Variants in IGSF5 observed in about 807,000 individuals in gnomAD.
IGSF5 encodes the protein immunoglobulin superfamily member 5.
IGSF5 carries 41 observed loss-of-function variants against 39.4 expected under a neutral mutation model. The ratio of observed to expected loss-of-function variants is 1.04; its 90% confidence interval spans 0.81 to 1.35. The LOEUF (loss-of-function observed/expected upper bound fraction) is 1.35, where lower values mean the gene tolerates loss of function less well. Ranked by LOEUF, IGSF5 falls within the 40% of genes most tolerant of loss-of-function variation. IGSF5 has a pLI of 0.00. For synonymous variants in IGSF5, 183 were observed against 175.3 expected (o/e 1.04, Z -0.34); for missense variants, 487 against 494.6 (o/e 0.98, Z 0.15).
At chr21:39,723,538 A>G in the IGSF5 span, among the ~76,000 whole-genome samples, 2 of 152,194 alleles carry the variant, frequency 1.3e-5, no homozygotes, top group Non-Finnish European at 2.9e-5. Context: ...GGCAGGGATT[A>G]CTGAGACCAT....
intron 7 of IGSF5, among the ~76,000 whole-genome samples, chr21:39,793,070 GA>G (rs976899552): frequency 1.3e-5 from 2 of 151,876 alleles, no homozygotes; most frequent in African/African-American, 4.8e-5. Context: ...CTTTCAGATT[GA>G]AAAAAATTCC....
chr21:39,759,251 A>G (rs2080048476), intron 2 of IGSF5, among the ~76,000 whole-genome samples: 1 of 152,226 alleles, frequency 6.6e-6, no homozygotes, highest in Non-Finnish European at 1.5e-5. Flanking sequence ...GTCTATTTAC[A>G]CATTAAATCT....
At chr21:39,781,499 G>A (rs1475301506) in intron 5 of IGSF5, among the ~76,000 whole-genome samples, 2 of 152,286 alleles carry the variant, frequency 1.3e-5, no homozygotes, top group East Asian at 3.9e-4. Context: ...CTCAGAAGTA[G>A]GATTGCTAGG....
chr21:39,789,698 A>T (rs1362395528), intron 6 of IGSF5, among the ~76,000 whole-genome samples: 2 of 152,342 alleles, frequency 1.3e-5, no homozygotes, highest in East Asian at 1.9e-4. Flanking sequence ...GAAATAGTTT[A>T]AAAAAATCAC....
At chr21:39,747,625 C>A (rs146833928) in intron 2 of IGSF5, among the ~76,000 whole-genome samples, 40 of 152,344 alleles carry the variant, frequency 2.6e-4, no homozygotes, top group African/African-American at 9.1e-4. Flanking sequence ...CAGAACCAGG[C>A]AAGAGACCAC....
At chr21:39,731,038 C>A in the IGSF5 span, among the ~76,000 whole-genome samples, 1 of 152,212 alleles carries the variant, frequency 6.6e-6, no homozygotes, top group East Asian at 1.9e-4. Context: ...GGTCTCCTGT[C>A]CCCTGGCAGA....
chr21:39,781,348 T>A (rs1176305795), intron 5 of IGSF5, among the ~76,000 whole-genome samples: 1 of 152,238 alleles, frequency 6.6e-6, no homozygotes, highest in African/African-American at 2.4e-5. Flanking sequence ...ATCCATTGTG[T>A]AGATGTACCA....
rs1447463166 is a variant in IGSF5 at position 39,779,103 on chromosome 21, T to A, written c.732T>A (p.Gly244=). 3.1e-6 allele frequency: 5 copies of A among 1,612,072 alleles called. No individual in the cohort carries two copies. The highest frequency in any genetic ancestry group is 4.2e-6 in the Non-Finnish European group (5 of 1,178,278). ...VIRCPQDTGG[G]INIPGVLSSL... is the part of the protein sequence containing the mutation. ...TTTCTTCTTTAGACACTGGAGGTGG[T>A]ATTAATATTCCAGGTGTATTATCAA... is the stretch of plus-strand genomic sequence containing the variant. The change falls in exon 5 of 9, where the codon GGT becomes GGA. Residue 244 remains glycine (G), a synonymous_variant. Transcript: ENST00000380588.
chr21:39,765,467 G>A (rs933435214), intron 2 of IGSF5, 68 bp from the exon 3 acceptor site: 51 of 1,448,042 alleles, frequency 3.5e-5, no homozygotes, highest in Non-Finnish European at 4.6e-5. Flanking sequence ...ATACAGAAAG[G>A]TTACAGCACA....
chr21:39,724,624 C>A, the IGSF5 span, among the ~76,000 whole-genome samples: 1 of 152,212 alleles, frequency 6.6e-6, no homozygotes, highest in African/African-American at 2.4e-5. Context: ...GCTTCCCCAG[C>A]CACATGAAAG....
At chr21:39,791,279 T>C (rs1247210744) in intron 6 of IGSF5, among the ~76,000 whole-genome samples, 2 of 152,362 alleles carry the variant, frequency 1.3e-5, no homozygotes, top group South Asian at 4.1e-4. Context: ...TCCTCCCTGA[T>C]TGGGCACTCG....
chr21:39,791,311 T>G (rs191996273), intron 6 of IGSF5, among the ~76,000 whole-genome samples: 1 of 152,364 alleles, frequency 6.6e-6, no homozygotes, highest in East Asian at 1.9e-4. Flanking sequence ...TTTGCTTTTA[T>G]AAATAGCTCA....
At chr21:39,786,551 G>A (rs1479024156) in intron 5 of IGSF5, among the ~76,000 whole-genome samples, 6 of 147,518 alleles carry the variant, frequency 4.1e-5, no homozygotes, top group South Asian at 2.3e-4. Context: ...TCGGTGTGGC[G>A]ATTCCTCAGG....
chr21:39,776,219 A>G (rs866364525), intron 4 of IGSF5, among the ~76,000 whole-genome samples: 1 of 151,494 alleles, frequency 6.6e-6, no homozygotes, highest in Non-Finnish European at 1.5e-5. Context: ...TATAAAATAT[A>G]TATTATATAT....
chr21:39,756,869 G>T (rs1037755330), intron 2 of IGSF5, among the ~76,000 whole-genome samples: 12 of 152,016 alleles, frequency 7.9e-5, no homozygotes, highest in African/African-American at 2.7e-4. Flanking sequence ...AACAAAGGGG[G>T]TTGGAAGGAA....
At chr21:39,797,218 CTTT>C (rs11385437) in intron 8 of IGSF5, among the ~76,000 whole-genome samples, 3 of 123,796 alleles carry the variant, frequency 2.4e-5, no homozygotes, top group Non-Finnish European at 3.2e-5. Context: ...AGCTCCTTTG[CTTT>C]TTTTTTTTTT....
the IGSF5 span, among the ~76,000 whole-genome samples, chr21:39,735,521 C>A: frequency 1.3e-5 from 2 of 152,158 alleles, no homozygotes; most frequent in East Asian, 3.9e-4. Context: ...CTACAGGAAT[C>A]ATATGCCTAA....
upstream of IGSF5, among the ~76,000 whole-genome samples, chr21:39,742,093 C>G (rs1360338430): frequency 1.3e-5 from 2 of 151,630 alleles, no homozygotes; most frequent in Non-Finnish European, 2.9e-5. Context: ...ACAAAATGGG[C>G]ATTCTTTGCT....
chr21:39,740,327 G>A (rs2079943140), upstream of IGSF5, among the ~76,000 whole-genome samples: 1 of 152,100 alleles, frequency 6.6e-6, no homozygotes, highest in Non-Finnish European at 1.5e-5. Flanking sequence ...GTGTAAGACT[G>A]CCACCTCTTT....
Sources: gnomAD v4.1 joint callset for allele counts (sites outside exome capture counted in the v4.1 genomes callset) on GRCh38, gnomAD v4.1.1 for gene constraint, MANE v1.5 for transcripts, NCBI Gene and HGNC (gene_info 2026-07-23, HGNC 2026-07-21) for gene names.